Variants in RASEF observed in about 807,000 individuals in gnomAD.
The protein encoded by RASEF is RAS and EF-hand domain containing.
RASEF carries 68 observed loss-of-function variants against 90.1 expected under a neutral mutation model. That is an observed-to-expected ratio of 0.75 (90% CI 0.62 to 0.92). RASEF has a LOEUF of 0.92. Ranked by LOEUF, RASEF falls within the 40% of genes least tolerant of loss-of-function variation. The pLI, the probability that RASEF is intolerant of heterozygous loss-of-function variation, is 0.00. For missense variants in RASEF, 949 were observed against 937.2 expected (o/e 1.01, Z -0.16); for synonymous variants, 331 against 345.2 (o/e 0.96, Z 0.46).
chr9:83,160,095 T>C, the RASEF span, among the ~76,000 whole-genome samples: 2 of 152,198 alleles, frequency 1.3e-5, no homozygotes, highest in East Asian at 1.9e-4. Context: ...TCTTTATCAG[T>C]AGCTTGAGAA....
intron 1 of RASEF, 21 bp from the exon 2 acceptor site, chr9:83,025,942 A>T: frequency 6.5e-7 from 1 of 1,535,172 alleles, no homozygotes; most frequent in Non-Finnish European, 8.8e-7. Flanking sequence ...AATAAATAAA[A>T]ATTAAACCAA....
chr9:83,169,484 T>A, the RASEF span, among the ~76,000 whole-genome samples: 2 of 152,050 alleles, frequency 1.3e-5, no homozygotes, highest in Non-Finnish European at 2.9e-5. Context: ...CTGTGCTAAT[T>A]TACATTGCCA....
chr9:83,006,367 T>C (rs1564074713), intron 7 of RASEF, among the ~76,000 whole-genome samples: 1 of 152,140 alleles, frequency 6.6e-6, no homozygotes, highest in Non-Finnish European at 1.5e-5. Flanking sequence ...ACTCTATCCT[T>C]TGCTCCTGGC....
chr9:83,019,907 G>A (rs1829412133), intron 3 of RASEF, among the ~76,000 whole-genome samples: 1 of 152,086 alleles, frequency 6.6e-6, no homozygotes, highest in Non-Finnish European at 1.5e-5. Flanking sequence ...ATGATTATCT[G>A]GCAAAAAGGG....
At chr9:83,111,194 T>C in the RASEF span, among the ~76,000 whole-genome samples, 5 of 144,270 alleles carry the variant, frequency 3.5e-5, no homozygotes, top group African/African-American at 1.2e-4. Context: ...TAAAACTCAA[T>C]TGATAGATTA....
At chr9:83,133,179 A>G in the RASEF span, among the ~76,000 whole-genome samples, 1 of 152,164 alleles carries the variant, frequency 6.6e-6, no homozygotes, top group Non-Finnish European at 1.5e-5. Context: ...TGAAAGAATT[A>G]TGCAGCAAAC....
the RASEF span, among the ~76,000 whole-genome samples, chr9:83,198,535 G>A: frequency 2.0e-5 from 3 of 152,190 alleles, no homozygotes; most frequent in African/African-American, 7.2e-5. Context: ...TCACTGGACT[G>A]ACTAAGGCAG....
chr9:83,142,116 A>C, the RASEF span, among the ~76,000 whole-genome samples: 2 of 152,186 alleles, frequency 1.3e-5, no homozygotes, highest in Non-Finnish European at 2.9e-5. Flanking sequence ...TCTTGGCAAC[A>C]GTTTTATTTT....
At chr9:82,996,769 A>C (rs1828928197) in intron 14 of RASEF, among the ~76,000 whole-genome samples, 1 of 152,196 alleles carries the variant, frequency 6.6e-6, no homozygotes, top group South Asian at 2.1e-4. Context: ...ATCTATAAGA[A>C]AACCTAGAAG....
At chr9:83,018,486 GT>G (rs1829384077) in intron 3 of RASEF, among the ~76,000 whole-genome samples, 1 of 151,578 alleles carries the variant, frequency 6.6e-6, no homozygotes, top group African/African-American at 2.4e-5. Flanking sequence ...TTTCAATACT[GT>G]TGTCAATTCT....
intron 1 of RASEF, among the ~76,000 whole-genome samples, chr9:83,042,126 A>G (rs1340145984): frequency 6.6e-6 from 1 of 152,008 alleles, no homozygotes; most frequent in African/African-American, 2.4e-5. Context: ...TCTGAGCTGC[A>G]CTCCTCTCTC....
chr9:83,214,238 G>A, the RASEF span, among the ~76,000 whole-genome samples: 1 of 152,058 alleles, frequency 6.6e-6, no homozygotes, highest in Non-Finnish European at 1.5e-5. Flanking sequence ...ACAAAAATTA[G>A]CCAGGCATGT....
At chr9:83,190,342 T>A in the RASEF span, among the ~76,000 whole-genome samples, 1 of 152,318 alleles carries the variant, frequency 6.6e-6, no homozygotes, top group South Asian at 2.1e-4. Flanking sequence ...TAAACCATTT[T>A]AAAATATATT....
At chr9:83,165,320 A>G in the RASEF span, among the ~76,000 whole-genome samples, 1 of 152,126 alleles carries the variant, frequency 6.6e-6, no homozygotes, top group Admixed American at 6.6e-5. Context: ...CTCAGGCCAC[A>G]AAGGAATTAA....
chr9:82,980,893 T>G lies in RASEF; in HGVS notation c.*1784A>C, dbSNP rs974526714. On this transcript the variant is annotated 3_prime_UTR_variant, in exon 17 of 17. Coordinates refer to ENST00000376447, the MANE Select transcript of RASEF (RefSeq NM_152573.4). ...AGAGTTACTGAGGATAGATCCAACT[T>G]TCCAGCAAAAATATCAGATGTCTTC... The G allele has an allele frequency of 6.6e-6, 1 of 152,196 alleles. No individual in the cohort carries two copies. The highest frequency in any genetic ancestry group is 1.5e-5 in the Non-Finnish European group (1 of 68,032). 9.4% of individuals were successfully genotyped at this position (152,196 alleles called of 1,614,324 possible).
At chr9:83,194,670 G>A in the RASEF span, among the ~76,000 whole-genome samples, 17 of 152,176 alleles carry the variant, frequency 1.1e-4, no homozygotes, top group African/African-American at 4.1e-4. Context: ...TCTTCTGTAG[G>A]AAAGATTTAT....
chr9:83,120,405 T>C, the RASEF span, among the ~76,000 whole-genome samples: 26 of 152,320 alleles, frequency 1.7e-4, no homozygotes, highest in Non-Finnish European at 3.5e-4. Context: ...CACCACATTC[T>C]ATTTCCCTTC....
chr9:83,108,559 G>T, the RASEF span, among the ~76,000 whole-genome samples: 1 of 152,096 alleles, frequency 6.6e-6, no homozygotes, highest in Non-Finnish European at 1.5e-5. Flanking sequence ...TCCAATGAAG[G>T]CTAAGAGATT....
the RASEF span, among the ~76,000 whole-genome samples, chr9:83,074,845 C>T: frequency 6.6e-6 from 1 of 152,184 alleles, no homozygotes; most frequent in African/African-American, 2.4e-5. Flanking sequence ...AAGGAACCTT[C>T]TTATTTTCAA....
Sources: allele counts gnomAD v4.1 joint callset (sites outside exome capture counted in the v4.1 genomes callset), GRCh38; gene constraint gnomAD v4.1.1; transcripts MANE v1.5; gene names NCBI Gene and HGNC (gene_info 2026-07-23, HGNC 2026-07-21).